The following RPS6KA2 variants were observed in gnomAD, a reference collection of about 807,000 sequenced individuals.
RPS6KA2 encodes ribosomal protein S6 kinase A2.
In RPS6KA2, 42 loss-of-function variants were observed where a neutral mutation model predicts 91.8. The ratio of observed to expected loss-of-function variants is 0.46; its 90% CI spans 0.36 to 0.59. RPS6KA2 has a LOEUF of 0.59. RPS6KA2 is among the 20% of genes least tolerant of loss of function. The pLI is 0.00. For missense variants in RPS6KA2, 798 were observed against 978.5 expected, an observed-to-expected ratio of 0.82 and a Z score of 2.46; for synonymous variants, 414 against 393.6, an observed-to-expected ratio of 1.05 and a Z score of -0.61.
chr6:166,634,510 A>C (rs140052227), intron 2 of RPS6KA2, among the ~76,000 whole-genome samples: 165 of 152,346 alleles, frequency 1.1e-3, no homozygotes, highest in African/African-American at 3.8e-3. Context: ...CTGTAAATCC[A>C]TGACTTGCAA....
chr6:166,419,779 A>G lies in RPS6KA2; in HGVS notation c.1820+103T>C, dbSNP rs1025951145. ...TTGCATACACGTTGGGTTTGCCCAC[A>G]TGCGCACACTAGGACAGGGCTGGCC... On this transcript the variant is annotated intron_variant, in intron 18 of 20. Coordinates refer to ENST00000265678, the MANE Select transcript of RPS6KA2 (RefSeq NM_021135.6). This position sits in a 1 kb window ranked among gnomAD's most constrained non-coding sequence, Gnocchi z 5.6. The G allele has an allele frequency of 9.7e-6, 10 of 1,027,954 alleles. No homozygotes were observed. In the East Asian group the frequency reaches 1.2e-4, roughly 12 times the overall value. 63.7% of individuals were successfully genotyped at this position (1,027,954 alleles called of 1,614,324 possible). A position where few individuals can be genotyped will look rare whatever the true frequency, so the allele number is the denominator to read the frequency against.
At chr6:166,590,351 G>C (rs1369124754) in intron 1 of RPS6KA2, among the ~76,000 whole-genome samples, 1 of 152,178 alleles carries the variant, frequency 6.6e-6, no homozygotes, top group Non-Finnish European at 1.5e-5. Flanking sequence ...CAGCATCCAC[G>C]TAAGATTAAG....
At chr6:166,862,398 C>A in exon 1 of RPS6KA2, 2 of 1,380,854 alleles carry the variant, frequency 1.4e-6, no homozygotes, top group Admixed American at 6.0e-5. Context: ...TATGGCTGCT[C>A]GGGCGCCGTC....
At chr6:166,699,768 C>T (rs1789456831) in intron 2 of RPS6KA2, among the ~76,000 whole-genome samples, 1 of 152,190 alleles carries the variant, frequency 6.6e-6, no homozygotes, top group Non-Finnish European at 1.5e-5. Flanking sequence ...CTTGTATTCT[C>T]TATCTTTTGA....
At chr6:166,616,470 G>T (rs1387081938) in intron 1 of RPS6KA2, among the ~76,000 whole-genome samples, 1 of 152,226 alleles carries the variant, frequency 6.6e-6, no homozygotes, top group Non-Finnish European at 1.5e-5. Context: ...AGTCGCTCCT[G>T]TCCAGCAACA....
chr6:166,673,278 G>C (rs533740600), intron 2 of RPS6KA2, among the ~76,000 whole-genome samples: 1 of 152,154 alleles, frequency 6.6e-6, no homozygotes, highest in Non-Finnish European at 1.5e-5. Context: ...CGGCTCTAGG[G>C]ATCTCTGTGC....
chr6:166,788,279 G>A (rs757818501), intron 2 of RPS6KA2, among the ~76,000 whole-genome samples: 69 of 152,164 alleles, frequency 4.5e-4, no homozygotes, highest in African/African-American at 1.5e-3. Context: ...ACAGTGTGGC[G>A]ATTCCTCAAG....
At chr6:166,613,074 G>T (rs759559449) in intron 1 of RPS6KA2, among the ~76,000 whole-genome samples, 4 of 152,192 alleles carry the variant, frequency 2.6e-5, no homozygotes, top group Non-Finnish European at 4.4e-5. Context: ...CAAGTCCTTA[G>T]TTAAAAGCAC....
chr6:166,451,708 G>C (rs1239525092), intron 12 of RPS6KA2, among the ~76,000 whole-genome samples: 1 of 152,204 alleles, frequency 6.6e-6, no homozygotes, highest in Non-Finnish European at 1.5e-5. Context: ...CTGCATAACT[G>C]CATGTGTGCT....
At chr6:166,787,975 C>CAA (rs3066794) in intron 2 of RPS6KA2, among the ~76,000 whole-genome samples, 13,208 of 78,632 alleles carry the variant, frequency 0.17, 949 homozygotes, top group Non-Finnish European at 0.22. Flanking sequence ...AACAAATTTA[C>CAA]AAAAAAAAAA....
intron 2 of RPS6KA2, among the ~76,000 whole-genome samples, chr6:166,537,190 A>C (rs1342434477): frequency 1.3e-5 from 2 of 152,288 alleles, no homozygotes; most frequent in African/African-American, 4.8e-5. Flanking sequence ...CTGTGCTTCC[A>C]CAGGTGGAAT....
At chr6:166,809,168 T>C (rs897406179) in intron 2 of RPS6KA2, among the ~76,000 whole-genome samples, 1 of 152,094 alleles carries the variant, frequency 6.6e-6, no homozygotes, top group Non-Finnish European at 1.5e-5. Flanking sequence ...ATGAAGAAGA[T>C]GAGGGCACAT....
At chr6:166,517,060 TA>T (rs1280404810) in intron 3 of RPS6KA2, among the ~76,000 whole-genome samples, 2 of 151,824 alleles carry the variant, frequency 1.3e-5, no homozygotes, top group Non-Finnish European at 2.9e-5. Flanking sequence ...TAGAGAAAGA[TA>T]GATGTCTTAT....
At position 166,609,506 on chromosome 6, in the gene RPS6KA2, A is replaced by AT. The variant is rs72047171; in HGVS notation, c.99+17414dup. On this transcript the variant is annotated intron_variant, in intron 1 of 20. Transcript: ENST00000265678. ...GATATACTGAATTATCAAAAGTTTA[A>AT]TTTTTTTTTTTTTTTTTTGAGACAG... is the stretch of plus-strand genomic sequence containing the variant. Among the ~76,000 whole-genome samples, 740 of 140,366 alleles carry AT rather than the reference A, an allele frequency of 5.3e-3. 4 individuals are homozygous for AT. Among genetic ancestry groups the AT allele is most frequent in the African/African-American group, 9.9e-3 (374 of 37,846 alleles). The allele number at this position is 140,366 out of a possible 152,430, so 92.1% of individuals were successfully genotyped here. A position where few individuals can be genotyped will look rare whatever the true frequency, so the allele number is the denominator to read the frequency against.
intron 1 of RPS6KA2, among the ~76,000 whole-genome samples, chr6:166,613,532 G>T (rs1438262507): frequency 1.3e-5 from 2 of 152,172 alleles, no homozygotes; most frequent in Non-Finnish European, 2.9e-5. Flanking sequence ...GGTAGCTCAG[G>T]CTGAAGATCT....
chr6:166,519,412 G>A (rs1045704811), intron 3 of RPS6KA2, among the ~76,000 whole-genome samples: 1 of 152,238 alleles, frequency 6.6e-6, no homozygotes, highest in Non-Finnish European at 1.5e-5. Flanking sequence ...GGTAGGCACT[G>A]GGGATAAGTT....
intron 2 of RPS6KA2, among the ~76,000 whole-genome samples, chr6:166,799,952 T>C (rs2769359): frequency 0.4 from 61,016 of 151,646 alleles, 13,429 homozygotes; most frequent in East Asian, 0.54. Context: ...ATGGCTGCGA[T>C]CTCTCAGGAG....
intron 14 of RPS6KA2, among the ~76,000 whole-genome samples, chr6:166,443,016 C>A (rs1407378387): frequency 1.3e-5 from 2 of 152,060 alleles, no homozygotes; most frequent in Admixed American, 1.3e-4. Context: ...AAAGCTTTAC[C>A]AGTAACATAA....
intron 1 of RPS6KA2, among the ~76,000 whole-genome samples, chr6:166,552,017 T>G (rs1283666336): frequency 6.6e-6 from 1 of 152,158 alleles, no homozygotes; most frequent in Non-Finnish European, 1.5e-5. Flanking sequence ...GCGTTTCCAT[T>G]GTCATTCGCA....
Sources: allele counts gnomAD v4.1 joint callset (sites outside exome capture counted in the v4.1 genomes callset), GRCh38; gene constraint gnomAD v4.1.1; non-coding constraint Gnocchi (gnomAD v3.1); transcripts MANE v1.5; gene names NCBI Gene and HGNC (gene_info 2026-07-23, HGNC 2026-07-21).